CNR2: variants seen among roughly 807,000 people sequenced by gnomAD.
The protein encoded by CNR2 is cannabinoid receptor 2 (macrophage).
For synonymous variants in CNR2, 172 were observed against 182.2 expected (o/e 0.94, Z 0.45); for missense variants, 379 against 439.9 (o/e 0.86, Z 1.24).
chr1:23,902,662 G>C (rs1270522152), intron 1 of CNR2: 110 of 1,595,300 alleles, frequency 6.9e-5, no homozygotes, highest in Non-Finnish European at 8.0e-5. Context: ...GTCGCCCCCG[G>C]GGGTCCCACG....
chr1:23,870,722 G>A lies in CNR2; in HGVS notation c.*3813C>T, dbSNP rs990943387. 1.3e-5 allele frequency: 2 copies of A among 152,214 alleles called. No individual in the cohort carries two copies. The highest frequency in any genetic ancestry group is 2.4e-5 in the African/African-American group (1 of 41,438). The allele number at this position is 152,214 out of a possible 1,614,324, so 9.4% of individuals were successfully genotyped here. On this transcript the variant is annotated 3_prime_UTR_variant, in exon 2 of 2. Transcript: ENST00000374472. ...GGTTTGTTGCACTGGACACCATCTC[G>A]TTTGTCTCCCTGAGCAAGTCTTGTC...
rs920431115 is a variant in CNR2, at chr1:23,871,473, T to G, written c.*3062A>C. The G allele has an allele frequency of 6.6e-6, 1 of 152,220 alleles. No individual in the cohort carries two copies. The highest frequency in any genetic ancestry group is 2.4e-5 in the African/African-American group (1 of 41,448). 9.4% of individuals were successfully genotyped at this position (152,220 alleles called of 1,614,324 possible). On this transcript the variant is annotated 3_prime_UTR_variant, in exon 2 of 2. Transcript: ENST00000374472. ...GATTGGTGTCTGGATTAAAACAAGA[T>G]TTGATTTTCCAAAACATACGTCAGA...
At chr1:23,897,031 G>T (rs1200652797) in intron 1 of CNR2, among the ~76,000 whole-genome samples, 1 of 151,996 alleles carries the variant, frequency 6.6e-6, no homozygotes, top group Non-Finnish European at 1.5e-5. Flanking sequence ...GATGACAGGT[G>T]CCTGCCACCA....
intron 1 of CNR2, among the ~76,000 whole-genome samples, chr1:23,899,521 A>G (rs1476757173): frequency 6.6e-6 from 1 of 151,814 alleles, no homozygotes; most frequent in Non-Finnish European, 1.5e-5. Flanking sequence ...CAAGATTAGA[A>G]ATTATGGTTT....
chr1:23,874,469 C>T lies in CNR2; in HGVS notation c.*66G>A, dbSNP rs200407932. 4.9e-5 allele frequency: 74 copies of T among 1,508,138 alleles called. No homozygotes were observed. The South Asian group carries it at 8.8e-4, about 18-fold the overall frequency. The allele number at this position is 1,508,138 out of a possible 1,614,324, so 93.4% of individuals were successfully genotyped here. ...TAAGTAAGAAGAGAGTGCCAAGACC[C>T]CTCTCTCTCTTCCAGGGAGTGAACT... On this transcript the variant is annotated 3_prime_UTR_variant, in exon 2 of 2. Coordinates refer to ENST00000374472, the MANE Select transcript of CNR2 (RefSeq NM_001841.3).
chr1:23,902,164 G>C (rs569845283), intron 1 of CNR2: 3 of 1,408,274 alleles, frequency 2.1e-6, no homozygotes, highest in Admixed American at 1.7e-5. Context: ...CTTGCACTCT[G>C]CCTTGGCCCA....
chr1:23,899,908 AGAAAGAAAGAAAGAGAAAGAAAG>A (rs1640363098), intron 1 of CNR2, among the ~76,000 whole-genome samples: 3 of 2,342 alleles, frequency 1.3e-3, no homozygotes, highest in Non-Finnish European at 4.1e-3. Flanking sequence ...AGAAAGAAAG[AGAAAGAAAGAAAGAGAAAGAAAG>A]AGAAAGAAAG....
At position 23,870,656 on chromosome 1, in the gene CNR2, C is replaced by T. The variant is rs1639744861; in HGVS notation, c.*3879G>A. The T allele has an allele frequency of 6.6e-6, 1 of 152,126 alleles. No homozygotes were observed. Among genetic ancestry groups the T allele is most frequent in the East Asian group, 1.9e-4 (1 of 5,194 alleles). 9.4% of individuals were successfully genotyped at this position (152,126 alleles called of 1,614,324 possible). A position where few individuals can be genotyped will look rare whatever the true frequency, so the allele number is the denominator to read the frequency against. ...TGAACCTGCAGGGACAGGTGAGAGG[C>T]ACTGATGTAGAGTGGACAGAACTGG... On this transcript the variant is annotated 3_prime_UTR_variant, in exon 2 of 2. Transcript: ENST00000374472.
intron 1 of CNR2, among the ~76,000 whole-genome samples, chr1:23,882,651 C>CAGA (rs1640012389): frequency 8.9e-6 from 1 of 112,680 alleles, no homozygotes; most frequent in African/African-American, 3.5e-5. Flanking sequence ...ACTAAAAATA[C>CAGA]AAAAAAAAAA....
intron 1 of CNR2, among the ~76,000 whole-genome samples, chr1:23,876,550 T>C (rs1639877385): frequency 6.6e-6 from 1 of 151,620 alleles, no homozygotes; most frequent in Non-Finnish European, 1.5e-5. Flanking sequence ...TAAATTTGAA[T>C]GTTGGCTGGG....
Position 23,872,678 on chromosome 1 carries a change from T to G in CNR2, c.*1857A>C, listed in dbSNP as rs1465447025. Reference sequence around the variant, plus strand: ...GCCACATCTGTAAAATGAAGATAACTAAGACCTTCTTATTAGGTTGTTGGG... The same window carrying G: ...GCCACATCTGTAAAATGAAGATAACGAAGACCTTCTTATTAGGTTGTTGGG... On this transcript the variant is annotated 3_prime_UTR_variant, in exon 2 of 2. Transcript: ENST00000374472. 2.0e-5 allele frequency: 3 copies of G among 152,084 alleles called. No homozygotes were observed. The highest frequency in any genetic ancestry group is 7.2e-5 in the African/African-American group (3 of 41,426). 9.4% of individuals were successfully genotyped at this position (152,084 alleles called of 1,614,324 possible).
In CNR2 at chr1:23,875,236, C is replaced by T. The variant is rs774664120; in HGVS notation, c.382G>A (p.Ala128Thr). 10 of 1,614,110 alleles carry T rather than the reference C, an allele frequency of 6.2e-6. No individual in the cohort carries two copies. The highest frequency in any genetic ancestry group is 5.0e-5 in the Admixed American group (3 of 60,002). ...CGCAGGCAGAGGTATCGGTCAATGG[C>T]GGTCAGCAGGAGGCTACCCACAGAG... Reference protein sequence around the residue: ...TASVGSLLLTAIDRYLCLRYP... With the variant: ...TASVGSLLLTTIDRYLCLRYP... Residue 128 changes from alanine to threonine, a missense_variant, in exon 2 of 2, where the codon GCC becomes ACC. By Grantham distance (58) the Ala-to-Thr change is moderately conservative. Transcript: ENST00000374472.
At chr1:23,902,462 G>T in intron 1 of CNR2, 1 of 1,597,338 alleles carries the variant, frequency 6.3e-7, no homozygotes. Context: ...CCTACAGAGT[G>T]GCCAGCACCG....
chr1:23,885,781 G>A (rs1002304204), intron 1 of CNR2, among the ~76,000 whole-genome samples: 2 of 152,134 alleles, frequency 1.3e-5, no homozygotes, highest in African/African-American at 4.8e-5. Context: ...AGGAAGCTGA[G>A]GCAGGAGAAT....
chr1:23,880,649 T>G (rs1418918826), intron 1 of CNR2, among the ~76,000 whole-genome samples: 2 of 151,984 alleles, frequency 1.3e-5, no homozygotes, highest in African/African-American at 4.8e-5. Flanking sequence ...CATTGCAACC[T>G]CCGCCTCCAG....
At position 23,878,659 on chromosome 1, in the gene CNR2, G is replaced by A. The variant is rs191305135; in HGVS notation, c.-45-2997C>T. 1.7e-3 allele frequency among the ~76,000 whole-genome samples: 257 copies of A among 152,258 alleles called. 10 individuals carry two copies. In the East Asian group the frequency reaches 0.041, roughly 24 times the overall value. ...CTCCCAAAGTGCTGGGATTATAGGC[G>A]TGAGCCACCACACCCAGCCCCAAGT... On this transcript the variant is annotated intron_variant, in intron 1 of 1. Coordinates refer to ENST00000374472, the MANE Select transcript of CNR2 (RefSeq NM_001841.3).
intron 1 of CNR2, chr1:23,901,397 G>T: frequency 7.8e-7 from 1 of 1,289,332 alleles, no homozygotes; most frequent in East Asian, 2.4e-5. Flanking sequence ...GGCCTTTCAT[G>T]GTGTCAAGAA....
chr1:23,903,981 C>T (rs973706718), intron 1 of CNR2, among the ~76,000 whole-genome samples: 1 of 152,124 alleles, frequency 6.6e-6, no homozygotes, highest in Non-Finnish European at 1.5e-5. Context: ...GGCTTTCTCC[C>T]GGGGACTTCT....
intron 1 of CNR2, among the ~76,000 whole-genome samples, chr1:23,877,672 A>G (rs570909487): frequency 6.6e-6 from 1 of 151,648 alleles, no homozygotes; most frequent in South Asian, 2.1e-4. Flanking sequence ...AAAAGAAAGT[A>G]GATCTGGGGC....
Sources: gnomAD v4.1 joint callset for allele counts (sites outside exome capture counted in the v4.1 genomes callset) on GRCh38, gnomAD v4.1.1 for gene constraint, MANE v1.5 for transcripts, NCBI Gene and HGNC (gene_info 2026-07-23, HGNC 2026-07-21) for gene names.